Variants in LRFN2 observed in about 807,000 individuals in gnomAD.
LRFN2 encodes the protein leucine rich repeat and fibronectin type III domain containing 2, also known as leucine-rich repeat and fibronectin type-III domain-containing protein 2.
In LRFN2, 18 loss-of-function variants were observed where a neutral mutation model predicts 37.3. The observed-to-expected ratio is 0.48, with a 90% CI of 0.33 to 0.72. The LOEUF (loss-of-function observed/expected upper bound fraction) is 0.72, where lower values mean the gene tolerates loss of function less well. LRFN2 is among the 30% of genes least tolerant of loss of function. The probability of loss-of-function intolerance (pLI) is 0.02; values close to 1 mark genes in which losing one functional copy is unlikely to be tolerated. For synonymous variants in LRFN2, 556 were observed against 466.6 expected (o/e 1.19, Z -2.47); for missense variants, 1,006 against 1,060.7 (o/e 0.95, Z 0.72).
intron 1 of LRFN2, among the ~76,000 whole-genome samples, chr6:40,584,405 G>T (rs1417514): frequency 0.014 from 2,116 of 152,310 alleles, 40 homozygotes; most frequent in African/African-American, 0.046. Flanking sequence ...CCAAGTTGAG[G>T]TTTCATTCCA....
intron 2 of LRFN2, among the ~76,000 whole-genome samples, chr6:40,420,456 G>A (rs1763198701): frequency 6.6e-6 from 1 of 152,220 alleles, no homozygotes; most frequent in Admixed American, 6.5e-5. Flanking sequence ...TCACAGACAG[G>A]CAGGAAAGCA....
chr6:40,393,690 C>T (rs1762559842), intron 2 of LRFN2, among the ~76,000 whole-genome samples: 1 of 152,188 alleles, frequency 6.6e-6, no homozygotes, highest in Non-Finnish European at 1.5e-5. Flanking sequence ...GACCCTGTGC[C>T]AGCCCACCCC....
At chr6:40,546,730 A>G (rs939913882) in intron 1 of LRFN2, among the ~76,000 whole-genome samples, 30 of 152,328 alleles carry the variant, frequency 2.0e-4, no homozygotes, top group African/African-American at 6.5e-4. Flanking sequence ...AGTGTTGTGT[A>G]TATGGGTTCA....
intron 1 of LRFN2, among the ~76,000 whole-genome samples, chr6:40,562,293 A>G (rs761629342): frequency 2.6e-5 from 4 of 152,024 alleles, no homozygotes; most frequent in Non-Finnish European, 4.4e-5. Flanking sequence ...GCAATGAACT[A>G]CTGGGCTTGG....
chr6:40,497,690 A>G (rs1765268597), intron 1 of LRFN2, among the ~76,000 whole-genome samples: 1 of 152,126 alleles, frequency 6.6e-6, no homozygotes, highest in Admixed American at 6.5e-5. Context: ...TGCATCAAGG[A>G]GGCTCTGCAG....
intron 1 of LRFN2, among the ~76,000 whole-genome samples, chr6:40,552,898 T>C (rs1766803050): frequency 6.6e-6 from 1 of 152,220 alleles, no homozygotes. Context: ...GTTGGAGTGT[T>C]CTTATCCTAT....
intron 1 of LRFN2, among the ~76,000 whole-genome samples, chr6:40,537,118 C>A (rs1318670993): frequency 2.6e-5 from 4 of 152,182 alleles, no homozygotes; most frequent in African/African-American, 9.7e-5. Context: ...GTTATCCATT[C>A]TCTACGTAAT....
In LRFN2 at chr6:40,428,687, C is replaced by A. The variant is rs750317688; in HGVS notation, c.1400+3027G>T. Reference sequence around the variant, plus strand: ...AATTTTATTTTTTAATTCTCTTGGTCTTTTATGCTTCTTCATATATCCAGA... The same window carrying A: ...AATTTTATTTTTTAATTCTCTTGGTATTTTATGCTTCTTCATATATCCAGA... On this transcript the variant is annotated intron_variant, in intron 2 of 2. Coordinates refer to ENST00000338305, the MANE Select transcript of LRFN2 (RefSeq NM_020737.3). Among the ~76,000 whole-genome samples, 40 of 152,242 alleles carry A rather than the reference C, an allele frequency of 2.6e-4. 1 individual carries two copies. Among genetic ancestry groups the A allele is most frequent in the African/African-American group, 7.5e-4 (31 of 41,542 alleles).
At chr6:40,400,915 T>G (rs1436063261) in intron 2 of LRFN2, among the ~76,000 whole-genome samples, 1 of 151,596 alleles carries the variant, frequency 6.6e-6, no homozygotes, top group Non-Finnish European at 1.5e-5. Flanking sequence ...GTGTAGGTGT[T>G]TACATGTATG....
chr6:40,554,039 G>A (rs949640421), intron 1 of LRFN2, among the ~76,000 whole-genome samples: 5 of 152,170 alleles, frequency 3.3e-5, no homozygotes, highest in Admixed American at 2.6e-4. Flanking sequence ...AGGAATCACT[G>A]TCAACCCCCT....
intron 2 of LRFN2, among the ~76,000 whole-genome samples, chr6:40,406,161 A>C (rs1270037797): frequency 2.0e-5 from 3 of 152,186 alleles, no homozygotes; most frequent in African/African-American, 7.2e-5. Flanking sequence ...AAGCCACGTA[A>C]CCACCCTGTA....
chr6:40,433,103 AG>A lies in LRFN2; in HGVS notation c.10del (p.Leu4CysfsTer6). The A allele has an allele frequency of 6.6e-7, 1 of 1,524,068 alleles. No individual in the cohort carries two copies. Among genetic ancestry groups the A allele is most frequent in the Non-Finnish European group, 8.8e-7 (1 of 1,137,578 alleles). 94.4% of individuals were successfully genotyped at this position (1,524,068 alleles called of 1,614,324 possible). A position where few individuals can be genotyped will look rare whatever the true frequency, so the allele number is the denominator to read the frequency against. MET[L>X]LGGLLAFGMA... ...GCCAAACGCTAGCAGGCCACCAAGC[AG>A]GGTCTCCATGGTCTGGTCACTCAGC... On this transcript the variant is annotated frameshift_variant, in exon 2 of 3. Transcript: ENST00000338305. LOFTEE classifies it high-confidence loss of function.
intron 1 of LRFN2, among the ~76,000 whole-genome samples, chr6:40,466,986 C>T (rs918075238): frequency 2.6e-5 from 4 of 152,040 alleles, no homozygotes; most frequent in African/African-American, 4.8e-5. Context: ...AGGGAGAAGA[C>T]GGCCACCTAC....
chr6:40,459,520 C>T (rs1261182504), intron 1 of LRFN2, among the ~76,000 whole-genome samples: 1 of 152,192 alleles, frequency 6.6e-6, no homozygotes, highest in Non-Finnish European at 1.5e-5. Flanking sequence ...GGACTTCTCT[C>T]CATGAACACT....
intron 1 of LRFN2, among the ~76,000 whole-genome samples, chr6:40,549,046 T>C (rs1018186590): frequency 6.6e-6 from 1 of 152,186 alleles, no homozygotes; most frequent in Non-Finnish European, 1.5e-5. Flanking sequence ...GCGGAAATAA[T>C]TGACCCTATG....
chr6:40,498,480 G>A (rs147942383), intron 1 of LRFN2, among the ~76,000 whole-genome samples: 1 of 152,278 alleles, frequency 6.6e-6, no homozygotes, highest in African/African-American at 2.4e-5. Flanking sequence ...CACCTGCACT[G>A]TGGCTGCCTT....
intron 1 of LRFN2, among the ~76,000 whole-genome samples, chr6:40,527,197 C>G (rs1766270501): frequency 6.6e-6 from 1 of 152,220 alleles, no homozygotes; most frequent in African/African-American, 2.4e-5. Context: ...TTTCCAGAAG[C>G]TACCTGAAGG....
intron 2 of LRFN2, among the ~76,000 whole-genome samples, chr6:40,427,674 T>TTGTATAGGGA (rs1481610407): frequency 1.3e-5 from 2 of 152,214 alleles, no homozygotes; most frequent in African/African-American, 4.8e-5. Context: ...ACTGAGAAAG[T>TTGTATAGGGA]CTTTCCAGAG....
intron 1 of LRFN2, among the ~76,000 whole-genome samples, chr6:40,582,452 A>G (rs1311101618): frequency 1.3e-5 from 2 of 152,034 alleles, no homozygotes; most frequent in South Asian, 4.1e-4. Context: ...GCAGGTTGAT[A>G]AATTACAAGA....
Sources: gnomAD v4.1 joint callset for allele counts (sites outside exome capture counted in the v4.1 genomes callset) on GRCh38, gnomAD v4.1.1 for gene constraint, MANE v1.5 for transcripts, NCBI Gene and HGNC (gene_info 2026-07-23, HGNC 2026-07-21) for gene names.